The following LPP variants were observed in gnomAD, a reference collection of about 807,000 sequenced individuals.
LPP encodes LIM domain containing preferred translocation partner in lipoma, also known as lipoma-preferred partner.
A neutral mutation model predicts 60.4 loss-of-function variants in LPP; 38 were observed. That is an observed-to-expected ratio of 0.63 (90% CI 0.49 to 0.83). The LOEUF is 0.83. Among genes scored for constraint, LPP ranks in the 40% least tolerant of loss-of-function variants. The pLI is 0.00. For synonymous variants in LPP, 328 were observed against 290.8 expected, an observed-to-expected ratio of 1.13 and a Z score of -1.30; for missense variants, 902 against 783.6, an observed-to-expected ratio of 1.15 and a Z score of -1.80.
intron 9 of LPP, among the ~76,000 whole-genome samples, chr3:188,865,839 C>T (rs1983273): frequency 0.23 from 35,013 of 151,978 alleles, 5,596 homozygotes; most frequent in East Asian, 0.8. Context: ...TGCCATCACC[C>T]ATGCTGTAGG....
chr3:188,722,363 G>C (rs1716767677), intron 8 of LPP, among the ~76,000 whole-genome samples: 1 of 152,142 alleles, frequency 6.6e-6, no homozygotes, highest in Admixed American at 6.5e-5. Flanking sequence ...ATTAGTGTGG[G>C]TAACCATCAA....
chr3:188,472,332 A>AGG (rs1802051112), intron 4 of LPP, among the ~76,000 whole-genome samples: 1 of 152,166 alleles, frequency 6.6e-6, no homozygotes, highest in Admixed American at 6.5e-5. Context: ...TTCAGCTAGC[A>AGG]GGTGGTGAAG....
At chr3:188,860,506 C>T (rs1286893877) in intron 9 of LPP, among the ~76,000 whole-genome samples, 1 of 152,136 alleles carries the variant, frequency 6.6e-6, no homozygotes, top group Non-Finnish European at 1.5e-5. Context: ...GGCAACCGCT[C>T]AGGAACTCTG....
At chr3:188,429,182 T>C (rs1443365733) in intron 4 of LPP, among the ~76,000 whole-genome samples, 1 of 152,194 alleles carries the variant, frequency 6.6e-6, no homozygotes, top group Non-Finnish European at 1.5e-5. Flanking sequence ...TTATTATTAT[T>C]GAATAAGTAA....
At chr3:188,155,607 T>C (rs1007593852) in intron 1 of LPP, among the ~76,000 whole-genome samples, 1 of 152,208 alleles carries the variant, frequency 6.6e-6, no homozygotes, top group Non-Finnish European at 1.5e-5. Flanking sequence ...CTAGAGCCTA[T>C]GGTCAATAAT....
At chr3:188,241,692 A>C (rs879693454) in intron 2 of LPP, among the ~76,000 whole-genome samples, 9 of 152,126 alleles carry the variant, frequency 5.9e-5, no homozygotes, top group Admixed American at 5.9e-4. Context: ...TCTCATCTAC[A>C]TGGACAACCT....
intron 5 of LPP, among the ~76,000 whole-genome samples, chr3:188,511,437 G>A (rs1178643918): frequency 1.3e-5 from 2 of 150,926 alleles, no homozygotes. Context: ...AGAAGTAGAT[G>A]GCAAAAAAGG....
At chr3:188,821,248 C>G (rs1489521115) in intron 9 of LPP, among the ~76,000 whole-genome samples, 2 of 150,104 alleles carry the variant, frequency 1.3e-5, no homozygotes, top group Non-Finnish European at 3.0e-5. Flanking sequence ...GTTTTTAAAA[C>G]AGTGGTTCTC....
intron 8 of LPP, among the ~76,000 whole-genome samples, chr3:188,758,099 AATG>A (rs1230664565): frequency 6.6e-6 from 1 of 152,092 alleles, no homozygotes; most frequent in Non-Finnish European, 1.5e-5. Flanking sequence ...AAGACTTTAT[AATG>A]ATATCAACTG....
intron 5 of LPP, among the ~76,000 whole-genome samples, chr3:188,504,450 A>G (rs1467014827): frequency 2.6e-5 from 4 of 151,852 alleles, no homozygotes; most frequent in African/African-American, 9.7e-5. Flanking sequence ...GTTGGTTTAT[A>G]TTTTTGTTTT....
In LPP at chr3:188,502,075, T is replaced by TG. The variant is rs536369858; in HGVS notation, c.306+17374dup. ...AATCTATTGACCCTTATTTAGTTTATGGGCTTATTCATGTTCTATCCTGGA... is the reference window on the plus strand; with the variant it reads ...AATCTATTGACCCTTATTTAGTTTATGGGGCTTATTCATGTTCTATCCTGGA... On this transcript the variant is annotated intron_variant, in intron 5 of 11. Coordinates refer to ENST00000617246, the MANE Select transcript of LPP (RefSeq NM_001375462.1). Among the ~76,000 whole-genome samples the TG allele has an allele frequency of 2.2e-4, 34 of 152,336 alleles. No homozygotes were observed. In the East Asian group the frequency reaches 4.8e-3, roughly 22 times the overall value.
intron 6 of LPP, among the ~76,000 whole-genome samples, chr3:188,588,221 C>G (rs959353264): frequency 6.6e-6 from 1 of 152,174 alleles, no homozygotes; most frequent in African/African-American, 2.4e-5. Context: ...AAATGTCACC[C>G]TCAGCTAAAC....
chr3:188,483,796 T>C (rs1805502231), intron 4 of LPP, among the ~76,000 whole-genome samples: 1 of 152,204 alleles, frequency 6.6e-6, no homozygotes, highest in Non-Finnish European at 1.5e-5. Context: ...CTTATTCATT[T>C]CTCCTAATCT....
At chr3:188,342,798 A>G (rs1308277472) in intron 3 of LPP, among the ~76,000 whole-genome samples, 1 of 152,170 alleles carries the variant, frequency 6.6e-6, no homozygotes. Context: ...CAAAGCTAAT[A>G]TCATATATAT....
At chr3:188,577,659 C>T (rs548006323) in intron 6 of LPP, among the ~76,000 whole-genome samples, 2 of 151,782 alleles carry the variant, frequency 1.3e-5, no homozygotes, top group African/African-American at 2.4e-5. Context: ...TCTACAAAGG[C>T]AAATTAAAAA....
chr3:188,800,381 G>A (rs1746750375), intron 9 of LPP, among the ~76,000 whole-genome samples: 1 of 151,614 alleles, frequency 6.6e-6, no homozygotes, highest in Non-Finnish European at 1.5e-5. Context: ...GAGTAGCTGG[G>A]ACTACAGGTG....
chr3:188,542,565 T>C (rs1825500633), intron 6 of LPP, among the ~76,000 whole-genome samples: 1 of 152,230 alleles, frequency 6.6e-6, no homozygotes. Flanking sequence ...TAGCCATTTA[T>C]GCATCTAAAC....
chr3:188,810,197 GT>G (rs893500206), intron 9 of LPP, among the ~76,000 whole-genome samples: 10 of 149,726 alleles, frequency 6.7e-5, no homozygotes, highest in South Asian at 4.2e-4. Context: ...AATAACTGTA[GT>G]TTTTTTTTTC....
At chr3:188,831,412 C>T (rs773191176) in intron 9 of LPP, among the ~76,000 whole-genome samples, 1 of 152,176 alleles carries the variant, frequency 6.6e-6, no homozygotes, top group Non-Finnish European at 1.5e-5. Flanking sequence ...GCTAGAAAGT[C>T]CTGATCCTTT....
Sources: allele counts gnomAD v4.1 joint callset (sites outside exome capture counted in the v4.1 genomes callset), GRCh38; gene constraint gnomAD v4.1.1; transcripts MANE v1.5; gene names NCBI Gene and HGNC (gene_info 2026-07-23, HGNC 2026-07-21).